Variants in COL25A1 observed in about 807,000 individuals in gnomAD.
The protein encoded by COL25A1 is collagen type XXV alpha 1 chain, also known as collagen alpha-1(XXV) chain.
Under a neutral mutation model 128.4 loss-of-function variants are expected in COL25A1, and 103 were observed. The observed-to-expected ratio is 0.80, with a 90% CI of 0.68 to 0.94. COL25A1 has a LOEUF of 0.94. COL25A1 is among the 40% of genes least tolerant of loss of function. COL25A1 has a pLI of 0.00. For missense variants in COL25A1, 745 were observed against 840.0 expected, an observed-to-expected ratio of 0.89 and a Z score of 1.40; for synonymous variants, 279 against 277.2, an observed-to-expected ratio of 1.01 and a Z score of -0.06.
chr4:109,202,061 GGTT>G (rs2126182664), intron 3 of COL25A1, among the ~76,000 whole-genome samples: 2 of 152,170 alleles, frequency 1.3e-5, no homozygotes, highest in East Asian at 3.9e-4. Context: ...TTGATTTATA[GGTT>G]CAATGCAATC....
At chr4:109,091,025 G>A (rs1354733487) in intron 3 of COL25A1, among the ~76,000 whole-genome samples, 3 of 152,110 alleles carry the variant, frequency 2.0e-5, no homozygotes, top group Admixed American at 6.6e-5. Flanking sequence ...CAACTGTGAA[G>A]GGCAAAACAC....
intron 8 of COL25A1, among the ~76,000 whole-genome samples, chr4:108,952,873 G>C (rs1193160494): frequency 7.1e-6 from 1 of 141,154 alleles, no homozygotes; most frequent in East Asian, 2.2e-4. Context: ...TTTCATGCTG[G>C]GAGAGAAAGC....
Position 109,233,093 on chromosome 4 carries a change from T to C in COL25A1, c.367+67490A>G, listed in dbSNP as rs553701141. On this transcript the variant is annotated intron_variant, in intron 3 of 37. Coordinates refer to ENST00000399132, the MANE Select transcript of COL25A1 (RefSeq NM_198721.4). Reference sequence around the variant, plus strand: ...TTTCTTCTTTCCTTCCTTCCAAATATGGCTTTCACCTGCATATTAAGTATT... The same window carrying C: ...TTTCTTCTTTCCTTCCTTCCAAATACGGCTTTCACCTGCATATTAAGTATT... Among the ~76,000 whole-genome samples, 7 of 152,312 alleles carry C rather than the reference T, an allele frequency of 4.6e-5. No individual in the cohort carries two copies. The East Asian group carries it at 1.2e-3, about 25-fold the overall frequency.
intron 3 of COL25A1, among the ~76,000 whole-genome samples, chr4:109,209,511 C>T (rs1777321563): frequency 6.6e-6 from 1 of 152,108 alleles, no homozygotes; most frequent in African/African-American, 2.4e-5. Flanking sequence ...TCTTTCCAGA[C>T]ACAAAGCAGT....
intron 3 of COL25A1, among the ~76,000 whole-genome samples, chr4:109,245,896 G>A (rs947029833): frequency 2.0e-5 from 3 of 151,918 alleles, no homozygotes; most frequent in African/African-American, 4.8e-5. Context: ...CAGGATCAGG[G>A]TTAGGCCGGC....
intron 19 of COL25A1, among the ~76,000 whole-genome samples, chr4:108,875,727 A>G (rs1193890604): frequency 6.6e-6 from 1 of 152,214 alleles, no homozygotes; most frequent in Non-Finnish European, 1.5e-5. Flanking sequence ...TACCCAAAAG[A>G]TTATAAATCA....
At chr4:109,208,036 C>T (rs563510059) in intron 3 of COL25A1, among the ~76,000 whole-genome samples, 2 of 152,282 alleles carry the variant, frequency 1.3e-5, no homozygotes, top group African/African-American at 4.8e-5. Flanking sequence ...TGTCCTGCAG[C>T]TTAACAGAGC....
At chr4:109,193,402 G>A (rs756538970) in intron 3 of COL25A1, among the ~76,000 whole-genome samples, 3 of 152,018 alleles carry the variant, frequency 2.0e-5, no homozygotes, top group Admixed American at 6.6e-5. Flanking sequence ...TAAATTTTGC[G>A]GTCATCTTGA....
chr4:109,086,788 G>C (rs570048306), intron 3 of COL25A1, among the ~76,000 whole-genome samples: 31 of 152,284 alleles, frequency 2.0e-4, no homozygotes, highest in South Asian at 8.3e-4. Flanking sequence ...TCTACTCAGA[G>C]GGGCCTAGGA....
intron 5 of COL25A1, among the ~76,000 whole-genome samples, chr4:109,028,184 G>T (rs752347178): frequency 6.6e-6 from 1 of 152,134 alleles, no homozygotes; most frequent in African/African-American, 2.4e-5. Flanking sequence ...GAGTGCAGTG[G>T]TGCAATCAGA....
intron 3 of COL25A1, among the ~76,000 whole-genome samples, chr4:109,125,604 G>A (rs1049958182): frequency 3.3e-5 from 5 of 152,118 alleles, no homozygotes; most frequent in Admixed American, 1.3e-4. Flanking sequence ...TTCTGTGCCC[G>A]TGGTCACTGG....
At chr4:108,848,651 AAG>A (rs1327186987) in intron 27 of COL25A1, 106 bp downstream of exon 27, 2 of 764,248 alleles carry the variant, frequency 2.6e-6, no homozygotes, top group Admixed American at 2.1e-5. Context: ...GGTTAAAAGA[AAG>A]AGGGTATCAA....
At chr4:109,229,393 C>A (rs1446936198) in intron 3 of COL25A1, among the ~76,000 whole-genome samples, 2 of 152,266 alleles carry the variant, frequency 1.3e-5, no homozygotes, top group East Asian at 1.9e-4. Context: ...CAATACATAA[C>A]CTTGCTTCAT....
At chr4:108,831,464 C>T (rs995028787) in intron 32 of COL25A1, among the ~76,000 whole-genome samples, 3 of 152,086 alleles carry the variant, frequency 2.0e-5, no homozygotes, top group African/African-American at 7.2e-5. Flanking sequence ...AGCAAATTAT[C>T]TCAGACTGAT....
chr4:109,142,739 T>A (rs1193712887), intron 3 of COL25A1, among the ~76,000 whole-genome samples: 1 of 152,154 alleles, frequency 6.6e-6, no homozygotes, highest in East Asian at 1.9e-4. Flanking sequence ...TCCCTGCTTT[T>A]TTTTTGCTTT....
intron 3 of COL25A1, among the ~76,000 whole-genome samples, chr4:109,295,275 G>C (rs533225013): frequency 6.6e-6 from 1 of 152,124 alleles, no homozygotes; most frequent in Admixed American, 6.5e-5. Context: ...TTGGGTGACT[G>C]GGCATTTTTA....
chr4:108,864,995 G>A (rs984819065), intron 20 of COL25A1, among the ~76,000 whole-genome samples: 6 of 152,154 alleles, frequency 3.9e-5, no homozygotes, highest in Admixed American at 1.3e-4. Context: ...TTTGCACATC[G>A]TTGATCATTT....
intron 5 of COL25A1, among the ~76,000 whole-genome samples, chr4:109,019,369 C>CATATATATATATATAT (rs1320479600): frequency 2.2e-4 from 2 of 9,234 alleles, no homozygotes; most frequent in African/African-American, 4.4e-4. Context: ...CACACACACA[C>CATATATATATATATAT]ACACACATAT....
At chr4:108,997,816 C>T (rs778523349) in intron 6 of COL25A1, among the ~76,000 whole-genome samples, 19 of 152,162 alleles carry the variant, frequency 1.2e-4, no homozygotes, top group Non-Finnish European at 2.8e-4. Context: ...AAGGCTTGTT[C>T]AACATACACA....
Sources: allele counts gnomAD v4.1 joint callset (sites outside exome capture counted in the v4.1 genomes callset), GRCh38; gene constraint gnomAD v4.1.1; transcripts MANE v1.5; gene names NCBI Gene and HGNC (gene_info 2026-07-23, HGNC 2026-07-21).